The following ZNF221 variants were observed in gnomAD, a reference collection of about 807,000 sequenced individuals.
ZNF221 encodes the protein zinc finger protein 221.
In ZNF221, 10 loss-of-function variants were observed where a neutral mutation model predicts 12.6. The observed-to-expected ratio is 0.79, with a 90% CI of 0.49 to 1.34. The LOEUF (loss-of-function observed/expected upper bound fraction) is 1.34, where lower values mean the gene tolerates loss of function less well. Among genes scored for constraint, ZNF221 ranks in the 40% most tolerant of loss-of-function variants. The pLI, the probability that ZNF221 is intolerant of heterozygous loss-of-function variation, is 0.00. For missense variants in ZNF221, 661 were observed against 721.4 expected (o/e 0.92, Z 0.96); for synonymous variants, 232 against 244.0 (o/e 0.95, Z 0.46).
At position 43,966,093 on chromosome 19, in the gene ZNF221, T is replaced by G; in HGVS notation, c.591T>G (p.Ser197=). Residue 197 remains serine, a synonymous_variant, in exon 5 of 5, where the codon TCT becomes TCG. Coordinates refer to ENST00000587682, the MANE Select transcript of ZNF221 (RefSeq NM_001297588.2). ...AACAATCACACTCAGGAGAGAAATC[T>G]CATACATGTGGTGAGTGTGGAAAAA... is the stretch of plus-strand genomic sequence containing the variant. ...LHQQSHSGEK[S]HTCGECGKSF... The G allele has an allele frequency of 3.7e-6, 6 of 1,614,224 alleles. No homozygotes were observed. The highest frequency in any genetic ancestry group is 5.1e-6 in the Non-Finnish European group (6 of 1,180,032).
At chr19:43,972,645 T>C (rs1975120635), downstream of ZNF221, among the ~76,000 whole-genome samples, 2 of 147,468 alleles carry the variant, frequency 1.4e-5, no homozygotes, top group African/African-American at 5.0e-5. Flanking sequence ...AACTAGAAAA[T>C]CTAGAAAAAG....
intron 4 of ZNF221, 110 bp downstream of exon 4, chr19:43,965,435 C>A: frequency 1.2e-6 from 1 of 829,450 alleles, no homozygotes; most frequent in Non-Finnish European, 1.8e-6. Flanking sequence ...TCTTTCATAA[C>A]TTATTGCAAC....
At chr19:43,951,904 C>G (rs1369214461) in intron 1 of ZNF221, among the ~76,000 whole-genome samples, 1 of 119,088 alleles carries the variant, frequency 8.4e-6, no homozygotes, top group Non-Finnish European at 1.6e-5. Flanking sequence ...GACGGAGTCT[C>G]GCTCTGTCGC....
At chr19:43,965,139 T>C (rs1974915933) in intron 3 of ZNF221, 63 bp downstream of exon 3, 3 of 1,604,256 alleles carry the variant, frequency 1.9e-6, no homozygotes, top group South Asian at 2.2e-5. Context: ...TATTCCAAGT[T>C]TGAGTATGCA....
chr19:43,966,219 A>G lies in ZNF221; in HGVS notation c.717A>G (p.Ser239=). 6.2e-7 allele frequency: 1 copy of G among 1,614,230 alleles called. No homozygotes were observed. Among genetic ancestry groups the G allele is most frequent in the Non-Finnish European group, 8.5e-7 (1 of 1,180,026 alleles). Residue 239 remains serine, a synonymous_variant, in exon 5 of 5, where the codon TCA becomes TCG. Transcript: ENST00000587682. ...GTGGTAAGGAATTTAATCAGAGCTC[A>G]CATCTGCAAACTCATCAGAGAGTCC... ...DVCGKEFNQS[S]HLQTHQRVHT...
At chr19:43,953,444 G>GT (rs1304591108) in intron 1 of ZNF221, among the ~76,000 whole-genome samples, 2 of 152,054 alleles carry the variant, frequency 1.3e-5, no homozygotes, top group African/African-American at 2.4e-5. Flanking sequence ...AGTCCTCTTG[G>GT]TTTTTTATGG....
chr19:43,961,236 G>A (rs1264762322), intron 1 of ZNF221, among the ~76,000 whole-genome samples: 3 of 152,112 alleles, frequency 2.0e-5, no homozygotes, highest in Admixed American at 6.5e-5. Context: ...TCAAGCCACA[G>A]CACCTGCCTC....
intron 1 of ZNF221, among the ~76,000 whole-genome samples, chr19:43,955,417 C>T (rs556124776): frequency 1.3e-5 from 2 of 152,290 alleles, no homozygotes; most frequent in Non-Finnish European, 2.9e-5. Flanking sequence ...ACTAATTTCA[C>T]GGACCCAGGC....
the ZNF221 span, among the ~76,000 whole-genome samples, chr19:43,973,766 A>G: frequency 5.9e-5 from 9 of 152,182 alleles, no homozygotes; most frequent in Non-Finnish European, 1.3e-4. Flanking sequence ...ACAAATGGAA[A>G]AACATTTCAT....
chr19:43,962,620 C>T, intron 1 of ZNF221, 105 bp from the exon 2 acceptor site: 2 of 1,114,102 alleles, frequency 1.8e-6, no homozygotes, highest in Non-Finnish European at 2.7e-6. Context: ...AGTAATGCTG[C>T]TATGAACATT....
chr19:43,979,159 G>T, the ZNF221 span, among the ~76,000 whole-genome samples: 9 of 151,958 alleles, frequency 5.9e-5, no homozygotes, highest in East Asian at 1.7e-3. Context: ...ATGCATATAG[G>T]TAACAATTGT....
chr19:43,963,332 A>C (rs1974880625), intron 2 of ZNF221, among the ~76,000 whole-genome samples: 1 of 152,130 alleles, frequency 6.6e-6, no homozygotes, highest in Non-Finnish European at 1.5e-5. Context: ...TTCCCCCCAA[A>C]ATTAATTCTG....
At chr19:43,963,456 T>C (rs1388003062) in intron 2 of ZNF221, among the ~76,000 whole-genome samples, 3 of 152,308 alleles carry the variant, frequency 2.0e-5, no homozygotes, top group Non-Finnish European at 4.4e-5. Flanking sequence ...ACAAATATTG[T>C]TGTTGGAGTT....
chr19:43,961,666 A>G (rs1189718956), intron 1 of ZNF221, among the ~76,000 whole-genome samples: 1 of 152,134 alleles, frequency 6.6e-6, no homozygotes, highest in East Asian at 1.9e-4. Context: ...CCAAAGTCCA[A>G]TTTTATGTAC....
At chr19:43,962,702 C>T (rs1199756923) in intron 1 of ZNF221, 23 bp from the exon 2 acceptor site, 9 of 1,611,218 alleles carry the variant, frequency 5.6e-6, no homozygotes, top group African/African-American at 1.3e-5. Context: ...GTCTGTTTTT[C>T]TGCCTTTCCT....
chr19:43,980,510 C>G, the ZNF221 span, among the ~76,000 whole-genome samples: 1 of 152,156 alleles, frequency 6.6e-6, no homozygotes, highest in Non-Finnish European at 1.5e-5. Context: ...CTCCTATTAT[C>G]AAATGGCACG....
chr19:43,968,322 G>A (rs1047068138), downstream of ZNF221, among the ~76,000 whole-genome samples: 2 of 152,164 alleles, frequency 1.3e-5, no homozygotes, highest in African/African-American at 2.4e-5. Flanking sequence ...AAGAATAGGA[G>A]TTTGTTCAGG....
intron 1 of ZNF221, among the ~76,000 whole-genome samples, chr19:43,956,972 C>T (rs938304764): frequency 2.6e-5 from 4 of 152,110 alleles, no homozygotes; most frequent in African/African-American, 9.7e-5. Context: ...GAAAAAGGAA[C>T]GTGACATTCA....
At chr19:43,962,612 TA>T in intron 1 of ZNF221, 112 bp from the exon 2 acceptor site, 1 of 1,041,826 alleles carries the variant, frequency 9.6e-7, no homozygotes, top group Non-Finnish European at 1.5e-6. Context: ...GGGTTATGAG[TA>T]ATGCTGCTAT....
Sources: gnomAD v4.1 joint callset for allele counts (sites outside exome capture counted in the v4.1 genomes callset) on GRCh38, gnomAD v4.1.1 for gene constraint, MANE v1.5 for transcripts, NCBI Gene and HGNC (gene_info 2026-07-23, HGNC 2026-07-21) for gene names.